GPATCH2: variants seen among roughly 807,000 people sequenced by gnomAD.
GPATCH2 encodes the protein G patch domain-containing protein 2.
A neutral mutation model predicts 58.0 loss-of-function variants in GPATCH2; 51 were observed. The ratio of observed to expected loss-of-function variants is 0.88; its 90% CI spans 0.70 to 1.11. The LOEUF is 1.11. Ranked by LOEUF, GPATCH2 falls within the 50% of genes most tolerant of loss-of-function variation. The probability of loss-of-function intolerance (pLI) is 0.00; values close to 1 mark genes in which losing one functional copy is unlikely to be tolerated. For synonymous variants in GPATCH2, 222 were observed against 218.5 expected (o/e 1.02, Z -0.14); for missense variants, 625 against 652.2 (o/e 0.96, Z 0.45).
At chr1:217,553,198 C>G (rs1665446333) in intron 5 of GPATCH2, among the ~76,000 whole-genome samples, 1 of 152,050 alleles carries the variant, frequency 6.6e-6, no homozygotes, top group South Asian at 2.1e-4. Flanking sequence ...TTTATAATCT[C>G]TATTCAAGAT....
intron 8 of GPATCH2, among the ~76,000 whole-genome samples, chr1:217,489,223 ATAGT>A (rs1661601806): frequency 6.6e-6 from 1 of 151,840 alleles, no homozygotes; most frequent in African/African-American, 2.4e-5. Context: ...CTATTTTTAA[ATAGT>A]TAATTAATCC....
chr1:217,505,284 T>C (rs12083733), intron 6 of GPATCH2, among the ~76,000 whole-genome samples: 4,154 of 152,258 alleles, frequency 0.027, 180 homozygotes, highest in African/African-American at 0.093. Context: ...ATAACAAGAA[T>C]AGTTATCACC....
At chr1:217,511,445 G>T (rs890820065) in intron 6 of GPATCH2, among the ~76,000 whole-genome samples, 2 of 152,192 alleles carry the variant, frequency 1.3e-5, no homozygotes, top group African/African-American at 4.8e-5. Flanking sequence ...GATTCTGCTA[G>T]AAATTATTTG....
At chr1:217,528,233 TA>T (rs1664016339) in intron 5 of GPATCH2, among the ~76,000 whole-genome samples, 1 of 152,232 alleles carries the variant, frequency 6.6e-6, no homozygotes, top group African/African-American at 2.4e-5. Context: ...TTCAAGTCTT[TA>T]AAAATTAAGC....
intron 5 of GPATCH2, among the ~76,000 whole-genome samples, chr1:217,570,355 C>T (rs985600946): frequency 3.9e-5 from 6 of 152,020 alleles, no homozygotes; most frequent in South Asian, 2.1e-4. Flanking sequence ...GCAAGTGATC[C>T]GCCCGCCTCG....
intron 9 of GPATCH2, among the ~76,000 whole-genome samples, chr1:217,444,114 G>A (rs1361929103): frequency 6.6e-6 from 1 of 152,040 alleles, no homozygotes; most frequent in Non-Finnish European, 1.5e-5. Flanking sequence ...TCATTGTGAG[G>A]GCAGCCTCTT....
intron 6 of GPATCH2, among the ~76,000 whole-genome samples, chr1:217,509,721 A>G (rs1336821987): frequency 6.6e-6 from 1 of 152,198 alleles, no homozygotes; most frequent in African/African-American, 2.4e-5. Context: ...TTGAACCGAG[A>G]GCCTATGATT....
intron 5 of GPATCH2, chr1:217,608,585 G>A: frequency 1.0e-6 from 1 of 985,284 alleles, no homozygotes; most frequent in African/African-American, 1.7e-5. Flanking sequence ...CAAGCAAGCA[G>A]TGAACCAAAA....
intron 8 of GPATCH2, among the ~76,000 whole-genome samples, chr1:217,483,088 C>A (rs923822434): frequency 6.6e-6 from 1 of 152,168 alleles, no homozygotes; most frequent in African/African-American, 2.4e-5. Context: ...TCCATATACT[C>A]TCTGTCGAAG....
rs895468616 is a variant in GPATCH2, at chr1:217,428,299, C to T, written c.*2846G>A. ...GGCTACAGATACTGTAGAAGAGTGG[C>T]TTCACAAAACAGCAGAAGAAATATC... On this transcript the variant is annotated 3_prime_UTR_variant, in exon 10 of 10. Coordinates refer to ENST00000366935, the MANE Select transcript of GPATCH2 (RefSeq NM_018040.5). 6.6e-6 allele frequency: 1 copy of T among 152,136 alleles called. No homozygotes were observed. Among genetic ancestry groups the T allele is most frequent in the African/African-American group, 2.4e-5 (1 of 41,436 alleles). The allele number at this position is 152,136 out of a possible 1,614,324, so 9.4% of individuals were successfully genotyped here.
chr1:217,553,889 G>A (rs1021942632), intron 5 of GPATCH2, among the ~76,000 whole-genome samples: 2 of 152,162 alleles, frequency 1.3e-5, no homozygotes, highest in Non-Finnish European at 2.9e-5. Context: ...ACAACCAAGA[G>A]AGAACCAAAC....
rs537944777 is a variant in GPATCH2 at position 217,570,345 on chromosome 1, G to A, written c.1098+39976C>T. ...CCAGGCTGGTCTTGAATTCCTGACC[G>A]CAAGTGATCCGCCCGCCTCGGCCTC... On this transcript the variant is annotated intron_variant, in intron 5 of 9. Coordinates refer to ENST00000366935, the MANE Select transcript of GPATCH2 (RefSeq NM_018040.5). 1.6e-4 allele frequency among the ~76,000 whole-genome samples: 24 copies of A among 151,948 alleles called. 1 individual carries two copies. The highest frequency in any genetic ancestry group is 5.8e-4 in the African/African-American group (24 of 41,484).
intron 9 of GPATCH2, among the ~76,000 whole-genome samples, chr1:217,446,534 A>T (rs1025343897): frequency 6.6e-6 from 1 of 152,128 alleles, no homozygotes; most frequent in Non-Finnish European, 1.5e-5. Flanking sequence ...GGACTTTAAG[A>T]TAACCTCAAT....
intron 5 of GPATCH2, among the ~76,000 whole-genome samples, chr1:217,600,381 T>C (rs1401994840): frequency 6.6e-6 from 1 of 152,170 alleles, no homozygotes; most frequent in African/African-American, 2.4e-5. Flanking sequence ...CCTATCTAGA[T>C]GATTTCATTA....
chr1:217,568,983 A>C (rs571209399), intron 5 of GPATCH2, among the ~76,000 whole-genome samples: 1 of 152,308 alleles, frequency 6.6e-6, no homozygotes, highest in South Asian at 2.1e-4. Context: ...ATACATCTGC[A>C]AATAGATCCA....
chr1:217,535,558 A>T (rs1338511692), intron 5 of GPATCH2, among the ~76,000 whole-genome samples: 1 of 152,124 alleles, frequency 6.6e-6, no homozygotes, highest in Non-Finnish European at 1.5e-5. Context: ...TCACTGTGTT[A>T]GCCAGGATGG....
intron 8 of GPATCH2, among the ~76,000 whole-genome samples, chr1:217,461,664 A>T (rs1045634737): frequency 2.0e-5 from 3 of 152,188 alleles, no homozygotes; most frequent in Non-Finnish European, 4.4e-5. Context: ...GTTACAGAAC[A>T]CTACAAAACA....
At chr1:217,464,465 G>A (rs1328971760) in intron 8 of GPATCH2, among the ~76,000 whole-genome samples, 1 of 152,160 alleles carries the variant, frequency 6.6e-6, no homozygotes, top group Non-Finnish European at 1.5e-5. Context: ...CATAGGAGGT[G>A]TACTGAAAGA....
At chr1:217,567,974 G>A (rs1478629151) in intron 5 of GPATCH2, among the ~76,000 whole-genome samples, 2 of 152,072 alleles carry the variant, frequency 1.3e-5, no homozygotes, top group African/African-American at 2.4e-5. Flanking sequence ...AAAATTAGCC[G>A]AGCACGGTGG....
Sources: allele counts gnomAD v4.1 joint callset (sites outside exome capture counted in the v4.1 genomes callset), GRCh38; gene constraint gnomAD v4.1.1; transcripts MANE v1.5; gene names NCBI Gene and HGNC (gene_info 2026-07-23, HGNC 2026-07-21).